The following PSORS1C1 variants were observed in gnomAD, a reference collection of about 807,000 sequenced individuals.
PSORS1C1 encodes psoriasis susceptibility 1 candidate 1.
In PSORS1C1, 7 loss-of-function variants were observed where a neutral mutation model predicts 9.4. The observed-to-expected ratio is 0.75, with a 90% confidence interval of 0.42 to 1.40. PSORS1C1 has a LOEUF of 1.40. Ranked by LOEUF, PSORS1C1 falls within the 40% of genes most tolerant of loss-of-function variation. PSORS1C1 has a pLI of 0.01. For missense variants in PSORS1C1, 146 were observed against 178.1 expected, an observed-to-expected ratio of 0.82 and a Z score of 1.02; for synonymous variants, 63 against 69.4, an observed-to-expected ratio of 0.91 and a Z score of 0.46.
intron 3 of PSORS1C1, chr6:31,138,212 G>C (rs963396432): frequency 1.5e-5 from 23 of 1,567,486 alleles, no homozygotes; most frequent in Non-Finnish European, 2.0e-5. Flanking sequence ...AAGGGTCACC[G>C]GGGACTGGGG....
chr6:31,116,603 A>G, intron 1 of PSORS1C1: 1 of 1,613,494 alleles, frequency 6.2e-7, no homozygotes, highest in East Asian at 2.2e-5. Context: ...GCTGCAAAGG[A>G]AGGGACCCCT....
rs116110579 is a variant in PSORS1C1, at chr6:31,127,470, G to A, written c.-65+1631G>A. Among the ~76,000 whole-genome samples the A allele has an allele frequency of 6.4e-4, 98 of 152,120 alleles. 1 individual carries two copies. The highest frequency in any genetic ancestry group is 2.2e-3 in the African/African-American group (92 of 41,474). On this transcript the variant is annotated intron_variant, in intron 2 of 5. Transcript: ENST00000259881. ...AACATCTTCACCAGAGACCGGCGCC[G>A]ACTCCTTGGCAGTGTGTAACATTCA...
At chr6:31,120,840 C>T (rs990604957) in intron 1 of PSORS1C1, among the ~76,000 whole-genome samples, 57 of 152,088 alleles carry the variant, frequency 3.7e-4, no homozygotes, top group African/African-American at 1.1e-3. Context: ...CACTCGCAGT[C>T]GTGGGTGTTT....
intron 1 of PSORS1C1, among the ~76,000 whole-genome samples, chr6:31,123,781 G>A (rs1192207919): frequency 6.6e-6 from 1 of 152,248 alleles, no homozygotes; most frequent in Non-Finnish European, 1.5e-5. Flanking sequence ...CCTCTGCTGT[G>A]TTTTGGAAGT....
At chr6:31,119,136 G>T (rs537069486) in intron 1 of PSORS1C1, among the ~76,000 whole-genome samples, 3 of 152,174 alleles carry the variant, frequency 2.0e-5, no homozygotes, top group South Asian at 2.1e-4. Context: ...AAGCTATCAT[G>T]TGCGGCCAGA....
At chr6:31,132,757 G>A in intron 3 of PSORS1C1, among the ~76,000 whole-genome samples, 1 of 152,018 alleles carries the variant, frequency 6.6e-6, no homozygotes, top group East Asian at 1.9e-4. Context: ...GCTGAGGCAG[G>A]AGGACCACTT....
Position 31,128,557 on chromosome 6 carries a change from GAATT to G in PSORS1C1, c.-64-1011_-64-1008del, listed in dbSNP as rs1167073685. Among the ~76,000 whole-genome samples the G allele has an allele frequency of 2.6e-5, 4 of 152,084 alleles. No homozygotes were observed. The highest frequency in any genetic ancestry group is 9.7e-5 in the African/African-American group (4 of 41,376). ...GTGGGGACTGGGGAATTTGGGGAGG[GAATT>G]GATTACTGCCTCTGAGGATATTAGG... is the stretch of plus-strand genomic sequence containing the variant. On this transcript the variant is annotated intron_variant, in intron 2 of 5. Coordinates refer to ENST00000259881, the MANE Select transcript of PSORS1C1 (RefSeq NM_014068.3). This position sits in a 1 kb window ranked among gnomAD's most constrained non-coding sequence, Gnocchi z 4.3.
At chr6:31,121,909 G>A (rs986488504) in intron 1 of PSORS1C1, among the ~76,000 whole-genome samples, 6 of 152,240 alleles carry the variant, frequency 3.9e-5, no homozygotes, top group African/African-American at 4.8e-5. Flanking sequence ...GGTTGGCCAC[G>A]TGCAGCTAGT....
At chr6:31,121,084 C>T (rs1219077485) in intron 1 of PSORS1C1, among the ~76,000 whole-genome samples, 1 of 150,812 alleles carries the variant, frequency 6.6e-6, no homozygotes, top group Non-Finnish European at 1.5e-5. Context: ...GGAACTTTCT[C>T]CTTCTCAGAA....
rs150337930 is a variant in PSORS1C1, at chr6:31,117,432, G to A, written c.-229+2541G>A. On this transcript the variant is annotated intron_variant, in intron 1 of 5. Transcript: ENST00000259881. Reference sequence around the variant, plus strand: ...CACTGTAGCTACTGAAACCGCTGGAGTCACCCTTCCCAGTGAGGCAGGGGT... The same window carrying A: ...CACTGTAGCTACTGAAACCGCTGGAATCACCCTTCCCAGTGAGGCAGGGGT... The A allele has an allele frequency of 6.4e-6, 10 of 1,560,038 alleles. No homozygotes were observed. The African/African-American group carries it at 1.4e-4, about 21-fold the overall frequency.
At chr6:31,134,682 C>T (rs1484709087) in intron 3 of PSORS1C1, among the ~76,000 whole-genome samples, 8 of 152,126 alleles carry the variant, frequency 5.3e-5, no homozygotes, top group Non-Finnish European at 1.5e-5. Flanking sequence ...GTTATGCAAC[C>T]TCAGTTTCTT....
In PSORS1C1 at chr6:31,129,788, C is replaced by T. The variant is rs971269147; in HGVS notation, c.13+143C>T. ...AGGCACAGTTGCTGTCTTCAAGAAG[C>T]TCATACTTTCCAAGGAAATAAAGGC... On this transcript the variant is annotated intron_variant, in intron 3 of 5. Coordinates refer to ENST00000259881, the MANE Select transcript of PSORS1C1 (RefSeq NM_014068.3). The T allele has an allele frequency of 1.1e-5, 7 of 644,354 alleles. No homozygotes were observed. The Admixed American group carries it at 1.6e-4, about 14-fold the overall frequency. 39.9% of individuals were successfully genotyped at this position (644,354 alleles called of 1,614,324 possible).
intron 1 of PSORS1C1, chr6:31,117,533 T>C: frequency 1.3e-6 from 2 of 1,549,718 alleles, no homozygotes; most frequent in Non-Finnish European, 1.7e-6. Context: ...AAGGTCCCTG[T>C]GGAGGAAAGC....
intron 3 of PSORS1C1, chr6:31,137,603 C>T (rs1381414108): frequency 6.3e-6 from 2 of 315,858 alleles, no homozygotes; most frequent in East Asian, 5.0e-5. Flanking sequence ...TTCCTGCCGC[C>T]GGCCACCAGG....
intron 1 of PSORS1C1, chr6:31,116,069 G>C: frequency 1.2e-6 from 2 of 1,612,050 alleles, no homozygotes; most frequent in Non-Finnish European, 1.7e-6. Context: ...AAAACTTCAG[G>C]GTCAGCTAGC....
rs1487621725 is a variant in PSORS1C1, at chr6:31,128,571, C to T, written c.-64-998C>T. On this transcript the variant is annotated intron_variant, in intron 2 of 5. Coordinates refer to ENST00000259881, the MANE Select transcript of PSORS1C1 (RefSeq NM_014068.3). The surrounding 1 kb of genome is among the most constrained non-coding windows in gnomAD (Gnocchi z 4.3). Reference sequence around the variant, plus strand: ...ATTTGGGGAGGGAATTGATTACTGCCTCTGAGGATATTAGGGGGAAAAACC... The same window carrying T: ...ATTTGGGGAGGGAATTGATTACTGCTTCTGAGGATATTAGGGGGAAAAACC... Among the ~76,000 whole-genome samples, 1 of 152,066 alleles carries T rather than the reference C, an allele frequency of 6.6e-6. No individual in the cohort carries two copies. The highest frequency in any genetic ancestry group is 1.5e-5 in the Non-Finnish European group (1 of 68,020).
chr6:31,121,364 C>A (rs1562758428), intron 1 of PSORS1C1, among the ~76,000 whole-genome samples: 2 of 152,168 alleles, frequency 1.3e-5, no homozygotes, highest in East Asian at 1.9e-4. Flanking sequence ...CATCTGCTGG[C>A]CCTGGGCTGG....
chr6:31,139,432 G>C lies in PSORS1C1; in HGVS notation c.168-209G>C, dbSNP rs114345219. On this transcript the variant is annotated intron_variant, in intron 5 of 5. Transcript: ENST00000259881. This position sits in a 1 kb window ranked among gnomAD's most constrained non-coding sequence, Gnocchi z 5.2. ...CACGCGATGGGCGTTGGGAAGCACC[G>C]TAATTACAGGGTTGGGAGGCAGGAT... is the stretch of plus-strand genomic sequence containing the variant. 1.5e-3 allele frequency: 894 copies of C among 600,672 alleles called. 15 individuals carry two copies. The East Asian group carries it at 0.024, about 16-fold the overall frequency. 37.2% of individuals were successfully genotyped at this position (600,672 alleles called of 1,614,324 possible). A position where few individuals can be genotyped will look rare whatever the true frequency, so the allele number is the denominator to read the frequency against.
At chr6:31,121,988 T>C (rs1457813286) in intron 1 of PSORS1C1, among the ~76,000 whole-genome samples, 2 of 152,168 alleles carry the variant, frequency 1.3e-5, no homozygotes, top group Non-Finnish European at 2.9e-5. Context: ...AAAGAGGGGC[T>C]GAGGGAGCTG....
Sources: gnomAD v4.1 joint callset for allele counts (sites outside exome capture counted in the v4.1 genomes callset) on GRCh38, gnomAD v4.1.1 for gene constraint, Gnocchi (gnomAD v3.1) non-coding constraint, MANE v1.5 for transcripts, NCBI Gene and HGNC (gene_info 2026-07-23, HGNC 2026-07-21) for gene names.